Variants in NCKAP5 observed in about 807,000 individuals in gnomAD.
NCKAP5 encodes NCK associated protein 5, also known as nck-associated protein 5.
A neutral mutation model predicts 167.0 loss-of-function variants in NCKAP5; 92 were observed. That is an observed-to-expected ratio of 0.55 (90% CI 0.47 to 0.66). The LOEUF (loss-of-function observed/expected upper bound fraction) is 0.66. Among genes scored for constraint, NCKAP5 ranks in the 30% least tolerant of loss-of-function variants. The pLI, the probability that NCKAP5 is intolerant of heterozygous loss-of-function variation, is 0.00. For missense variants in NCKAP5, 2,378 were observed against 2,315.0 expected, an observed-to-expected ratio of 1.03 and a Z score of -0.56; for synonymous variants, 891 against 877.4, an observed-to-expected ratio of 1.02 and a Z score of -0.27.
intron 8 of NCKAP5, among the ~76,000 whole-genome samples, chr2:132,914,156 T>A (rs961820034): frequency 7.2e-5 from 11 of 152,146 alleles, no homozygotes; most frequent in Non-Finnish European, 8.8e-5. Flanking sequence ...AAATAGCACA[T>A]CTATGTGAAT....
chr2:133,259,840 C>T lies in NCKAP5; in HGVS notation c.143+43197G>A, dbSNP rs1414343029. On this transcript the variant is annotated intron_variant, in intron 4 of 19. Transcript: ENST00000409261. ...TTTGCTAATTTCTAATACAGTAAAT[C>T]CCCAAATTTCCTTCCTTTCTACGTG... 2.0e-5 allele frequency among the ~76,000 whole-genome samples: 3 copies of T among 152,134 alleles called. No individual in the cohort carries two copies. The East Asian group carries it at 5.8e-4, about 29-fold the overall frequency.
intron 5 of NCKAP5, among the ~76,000 whole-genome samples, chr2:133,143,388 C>A (rs185641969): frequency 1.3e-5 from 2 of 152,092 alleles, no homozygotes; most frequent in East Asian, 3.9e-4. Context: ...AAATTACAAA[C>A]GGTTCAGTGT....
upstream of NCKAP5, among the ~76,000 whole-genome samples, chr2:133,569,932 A>G (rs1363127259): frequency 1.1e-4 from 17 of 152,182 alleles, no homozygotes; most frequent in Admixed American, 1.0e-3. Flanking sequence ...AGACCCAGCA[A>G]TTCCACTTTT....
At chr2:133,179,427 G>A (rs891569173) in intron 5 of NCKAP5, among the ~76,000 whole-genome samples, 1 of 151,274 alleles carries the variant, frequency 6.6e-6, no homozygotes, top group African/African-American at 2.4e-5. Flanking sequence ...AAAAGTCCAG[G>A]TTTCAATTAA....
chr2:132,717,102 C>T (rs1476522000), intron 19 of NCKAP5, among the ~76,000 whole-genome samples: 2 of 152,186 alleles, frequency 1.3e-5, no homozygotes, highest in African/African-American at 4.8e-5. Flanking sequence ...CTGGTTCTGG[C>T]AAGGGTCTCA....
At chr2:133,189,785 G>C (rs1233853926) in intron 5 of NCKAP5, among the ~76,000 whole-genome samples, 1 of 152,118 alleles carries the variant, frequency 6.6e-6, no homozygotes, top group Non-Finnish European at 1.5e-5. Flanking sequence ...AAAATAATAA[G>C]AGCTATTTAT....
Position 132,782,328 on chromosome 2 carries a change from A to AGGTG in NCKAP5, c.4479_4482dup (p.Ser1495HisfsTer23). 1.2e-6 allele frequency: 2 copies of AGGTG among 1,614,054 alleles called. No homozygotes were observed. The highest frequency in any genetic ancestry group is 1.7e-6 in the Non-Finnish European group (2 of 1,179,906). On this transcript the variant is annotated frameshift_variant, in exon 14 of 20. Coordinates refer to ENST00000409261, the MANE Select transcript of NCKAP5 (RefSeq NM_207363.3). LOFTEE classifies it high-confidence loss of function. ...CCAGGCTTCTGCTTTGCTTCCACAG[A>AGGTG]GGTGGGCTTTGTTTGCACTTGGCCC...
At chr2:133,318,555 A>T (rs1681781342) in intron 3 of NCKAP5, among the ~76,000 whole-genome samples, 1 of 152,232 alleles carries the variant, frequency 6.6e-6, no homozygotes, top group South Asian at 2.1e-4. Flanking sequence ...TTGTTCTGAC[A>T]GTGGAGAATC....
chr2:133,335,134 G>A (rs1286655997), intron 3 of NCKAP5, among the ~76,000 whole-genome samples: 3 of 152,026 alleles, frequency 2.0e-5, no homozygotes, highest in South Asian at 4.2e-4. Context: ...ATCTAGACAC[G>A]GAGCAGTAAA....
intron 3 of NCKAP5, among the ~76,000 whole-genome samples, chr2:133,472,031 A>G (rs893245825): frequency 2.6e-5 from 4 of 152,220 alleles, no homozygotes; most frequent in African/African-American, 7.2e-5. Context: ...GACTAACATA[A>G]AAGAAAAACC....
chr2:133,218,888 T>C (rs1057381658), intron 4 of NCKAP5, among the ~76,000 whole-genome samples: 9 of 152,178 alleles, frequency 5.9e-5, no homozygotes, highest in African/African-American at 2.2e-4. Flanking sequence ...TTAATTCAAT[T>C]TGAAAGAAAA....
chr2:133,147,878 A>G (rs1024220432), intron 5 of NCKAP5, among the ~76,000 whole-genome samples: 1 of 152,088 alleles, frequency 6.6e-6, no homozygotes, highest in Non-Finnish European at 1.5e-5. Flanking sequence ...GGCATTATTT[A>G]TTTTATGTTA....
At chr2:133,600,192 G>A in the NCKAP5 span, among the ~76,000 whole-genome samples, 1 of 152,222 alleles carries the variant, frequency 6.6e-6, no homozygotes, top group African/African-American at 2.4e-5. Context: ...ACGTCACAGA[G>A]ACTTAATTCA....
At chr2:133,136,809 C>T (rs2082802554) in intron 5 of NCKAP5, among the ~76,000 whole-genome samples, 1 of 152,206 alleles carries the variant, frequency 6.6e-6, no homozygotes, top group South Asian at 2.1e-4. Context: ...AGCAAGCTAC[C>T]AACTAGAAAA....
intron 6 of NCKAP5, among the ~76,000 whole-genome samples, chr2:133,001,045 G>A (rs973657300): frequency 2.2e-4 from 34 of 152,140 alleles, no homozygotes; most frequent in African/African-American, 8.0e-4. Context: ...AACTCTATAG[G>A]GATTTGGACT....
intron 11 of NCKAP5, among the ~76,000 whole-genome samples, chr2:132,814,229 G>A (rs1219566141): frequency 5.9e-5 from 9 of 152,070 alleles, no homozygotes; most frequent in Admixed American, 5.9e-4. Flanking sequence ...TCTGCATCAC[G>A]GTTTCCCTGT....
chr2:132,997,510 C>T (rs904383407), intron 6 of NCKAP5, among the ~76,000 whole-genome samples: 1 of 152,112 alleles, frequency 6.6e-6, no homozygotes, highest in Non-Finnish European at 1.5e-5. Context: ...TTTAAAAAAT[C>T]ATTCTATCTA....
intron 6 of NCKAP5, among the ~76,000 whole-genome samples, chr2:133,082,848 C>T (rs949832417): frequency 6.6e-6 from 1 of 152,054 alleles, no homozygotes; most frequent in African/African-American, 2.4e-5. Context: ...GTTGGTGCTT[C>T]GGGAGCCATT....
chr2:133,261,667 T>G (rs1443314553), intron 4 of NCKAP5, among the ~76,000 whole-genome samples: 1 of 152,208 alleles, frequency 6.6e-6, no homozygotes, highest in Non-Finnish European at 1.5e-5. Flanking sequence ...AATTTAATGT[T>G]AACTGAAATG....
Sources: allele counts gnomAD v4.1 joint callset (sites outside exome capture counted in the v4.1 genomes callset), GRCh38; gene constraint gnomAD v4.1.1; transcripts MANE v1.5; gene names NCBI Gene and HGNC (gene_info 2026-07-23, HGNC 2026-07-21).